EIF2B3: variants seen among roughly 807,000 people sequenced by gnomAD.
EIF2B3 encodes eukaryotic translation initiation factor 2B subunit gamma.
Under a neutral mutation model 54.1 loss-of-function variants are expected in EIF2B3, and 20 were observed. That is an observed-to-expected ratio of 0.37 (90% CI 0.26 to 0.54). EIF2B3 has a LOEUF of 0.54. Ranked by LOEUF, EIF2B3 falls within the 20% of genes least tolerant of loss-of-function variation. The pLI is 0.86. For synonymous variants in EIF2B3, 153 were observed against 188.1 expected, an observed-to-expected ratio of 0.81 and a Z score of 1.52; for missense variants, 448 against 547.8, an observed-to-expected ratio of 0.82 and a Z score of 1.82.
chr1:44,850,989 C>G lies in EIF2B3; in HGVS notation c.1321G>C (p.Glu441Gln). 6.2e-7 allele frequency: 1 copy of G among 1,614,116 alleles called. No homozygotes were observed. Among genetic ancestry groups the G allele is most frequent in the Non-Finnish European group, 8.5e-7 (1 of 1,180,032 alleles). The part of the protein sequence containing the change: ...RIEAKAKRVN[E>Q]VIVGNDQLME... ...AGCTGGTCATTCCCCACGATCACCT[C>G]ATTCACTCGTTTAGCTACAAAAGAA... Residue 441 changes from glutamate (E) to glutamine (Q), a missense_variant, in exon 12 of 12, where the codon GAG becomes CAG. Glu to Gln is a conservative substitution (Grantham distance 29, BLOSUM62 2). Around this residue, in one of 3 missense-constraint regions of EIF2B3, gnomAD observed 350 missense variants for 414.2 expected, o/e 0.85. Transcript: ENST00000360403.
chr1:44,860,845 GA>G (rs1433303771), intron 10 of EIF2B3, among the ~76,000 whole-genome samples: 1 of 152,030 alleles, frequency 6.6e-6, no homozygotes, highest in Non-Finnish European at 1.5e-5. Context: ...CAAAACTAAG[GA>G]AAAATTCCCA....
chr1:44,891,492 T>C (rs1655796453), intron 6 of EIF2B3, among the ~76,000 whole-genome samples: 1 of 152,184 alleles, frequency 6.6e-6, no homozygotes, highest in South Asian at 2.1e-4. Context: ...CTCTATTTTG[T>C]AGACACAGTG....
chr1:44,942,396 T>TACACATAC (rs1644036560), intron 3 of EIF2B3, among the ~76,000 whole-genome samples: 1 of 17,668 alleles, frequency 5.7e-5, no homozygotes, highest in Admixed American at 6.5e-4. Flanking sequence ...TATATATATA[T>TACACATAC]ATATATATAT....
intron 3 of EIF2B3, among the ~76,000 whole-genome samples, chr1:44,943,530 C>A: frequency 6.6e-6 from 1 of 151,850 alleles, no homozygotes; most frequent in East Asian, 1.9e-4. Context: ...AGTGATCCTC[C>A]CACCTCAGCC....
At chr1:44,912,692 C>T (rs1034300134) in intron 5 of EIF2B3, among the ~76,000 whole-genome samples, 2 of 152,180 alleles carry the variant, frequency 1.3e-5, no homozygotes, top group Admixed American at 6.6e-5. Flanking sequence ...ACCTCAGCGC[C>T]TAGGATTAGA....
chr1:44,958,273 C>G (rs1218015165), intron 3 of EIF2B3, among the ~76,000 whole-genome samples: 2 of 152,126 alleles, frequency 1.3e-5, no homozygotes, highest in African/African-American at 2.4e-5. Context: ...GGACCTAAAG[C>G]CTGGTACTTG....
chr1:44,973,694 ACT>A (rs2148961736), intron 3 of EIF2B3, among the ~76,000 whole-genome samples: 1 of 151,942 alleles, frequency 6.6e-6, no homozygotes, highest in South Asian at 2.1e-4. Context: ...ATAGAGTGAG[ACT>A]CTGTCTCAAA....
chr1:44,888,325 A>G (rs1371302087), intron 6 of EIF2B3, among the ~76,000 whole-genome samples: 1 of 152,202 alleles, frequency 6.6e-6, no homozygotes, highest in Non-Finnish European at 1.5e-5. Context: ...CTGTGGTTCC[A>G]TGATTTTCCT....
At chr1:44,950,349 A>G (rs1644147301) in intron 3 of EIF2B3, among the ~76,000 whole-genome samples, 1 of 152,168 alleles carries the variant, frequency 6.6e-6, no homozygotes, top group South Asian at 2.1e-4. Flanking sequence ...ATTTGAGCCC[A>G]GGTTTCAGGC....
chr1:44,952,884 C>G (rs1361323315), intron 3 of EIF2B3, among the ~76,000 whole-genome samples: 1 of 152,180 alleles, frequency 6.6e-6, no homozygotes, highest in Non-Finnish European at 1.5e-5. Context: ...AACCCATCCA[C>G]TCGTGCACCA....
At chr1:44,875,930 G>A (rs552434779) in intron 8 of EIF2B3, among the ~76,000 whole-genome samples, 6 of 152,322 alleles carry the variant, frequency 3.9e-5, no homozygotes, top group East Asian at 1.9e-4. Context: ...AATTGCAGGC[G>A]CGCGCCGCCA....
chr1:44,868,800 G>A lies in EIF2B3; in HGVS notation c.1202+5878C>T, dbSNP rs1033317418. On this transcript the variant is annotated intron_variant, in intron 10 of 11. Coordinates refer to ENST00000360403, the MANE Select transcript of EIF2B3 (RefSeq NM_020365.5). ...GAAGGCAAGTGTAGTTCTGGTTTAA[G>A]AGAATGGTGATGTCTGTCAGTCTTA... 2.0e-5 allele frequency among the ~76,000 whole-genome samples: 3 copies of A among 152,322 alleles called. No homozygotes were observed. In the East Asian group the frequency reaches 5.8e-4, roughly 29 times the overall value.
At chr1:44,877,208 A>AC (rs1416529995) in intron 8 of EIF2B3, among the ~76,000 whole-genome samples, 12 of 148,382 alleles carry the variant, frequency 8.1e-5, no homozygotes, top group African/African-American at 2.5e-4. Flanking sequence ...AAAAAAAAAA[A>AC]AAAAAAAAAA....
chr1:44,972,013 C>G (rs539763313), intron 3 of EIF2B3, among the ~76,000 whole-genome samples: 1 of 151,894 alleles, frequency 6.6e-6, no homozygotes. Flanking sequence ...GCCTGGGCAA[C>G]AGAGCAAGAC....
intron 3 of EIF2B3, among the ~76,000 whole-genome samples, chr1:44,973,349 T>C (rs748251397): frequency 2.6e-5 from 4 of 152,160 alleles, no homozygotes; most frequent in African/African-American, 7.2e-5. Context: ...ATCCATAAAA[T>C]AGAATATTCC....
At chr1:44,889,390 G>C (rs114877559) in intron 6 of EIF2B3, among the ~76,000 whole-genome samples, 1 of 151,686 alleles carries the variant, frequency 6.6e-6, no homozygotes, top group Non-Finnish European at 1.5e-5. Flanking sequence ...ACAAAACACC[G>C]GCCGGGTGTG....
intron 4 of EIF2B3, among the ~76,000 whole-genome samples, chr1:44,933,655 C>CA (rs948866063): frequency 1.3e-4 from 20 of 151,976 alleles, no homozygotes; most frequent in Non-Finnish European, 2.4e-4. Context: ...AAACTAAATT[C>CA]AAAAAAGAAA....
intron 5 of EIF2B3, among the ~76,000 whole-genome samples, chr1:44,904,530 T>C (rs981345281): frequency 2.2e-4 from 33 of 152,236 alleles, no homozygotes; most frequent in African/African-American, 8.0e-4. Flanking sequence ...CTTTTTTTTT[T>C]TGAGACGGAG....
chr1:44,948,892 A>G (rs571246783), intron 3 of EIF2B3, among the ~76,000 whole-genome samples: 1 of 151,454 alleles, frequency 6.6e-6, no homozygotes, highest in Non-Finnish European at 1.5e-5. Context: ...GTCTCGCTCT[A>G]TTGCCCAGGC....
Sources: gnomAD v4.1 joint callset for allele counts (sites outside exome capture counted in the v4.1 genomes callset) on GRCh38, gnomAD v4.1.1 for gene constraint, gnomAD v4.1.1 regional missense constraint, MANE v1.5 for transcripts, NCBI Gene and HGNC (gene_info 2026-07-23, HGNC 2026-07-21) for gene names.